COL28A1: variants seen among roughly 807,000 people sequenced by gnomAD.
The protein encoded by COL28A1 is collagen alpha-1(XXVIII) chain.
COL28A1 carries 161 observed loss-of-function variants against 150.2 expected under a neutral mutation model. That is an observed-to-expected ratio of 1.07 (90% CI 0.94 to 1.22). The LOEUF is 1.22. Ranked by LOEUF, COL28A1 falls within the 50% of genes most tolerant of loss-of-function variation. The pLI, the probability that COL28A1 is intolerant of heterozygous loss-of-function variation, is 0.00. For missense variants in COL28A1, 1,617 were observed against 1,388.3 expected (o/e 1.16, Z -2.62); for synonymous variants, 552 against 469.7 (o/e 1.18, Z -2.26).
chr7:7,379,975 G>A (rs558916952), intron 30 of COL28A1, among the ~76,000 whole-genome samples: 27 of 152,240 alleles, frequency 1.8e-4, no homozygotes, highest in African/African-American at 5.5e-4. Flanking sequence ...ACACTTGGAT[G>A]TTCCTAGTAC....
chr7:7,512,666 A>G (rs1472667375), intron 8 of COL28A1, among the ~76,000 whole-genome samples: 1 of 152,218 alleles, frequency 6.6e-6, no homozygotes, highest in East Asian at 1.9e-4. Context: ...TCATAGTAAT[A>G]TTATCTCCTT....
chr7:7,370,955 C>T, intron 32 of COL28A1, 73 bp from the exon 33 acceptor site: 2 of 967,716 alleles, frequency 2.1e-6, no homozygotes, highest in Non-Finnish European at 1.5e-6. Flanking sequence ...TTAAAAAGAT[C>T]TGCACTCTCC....
rs140755265 is a variant in COL28A1, at chr7:7,411,620, C to G, written c.2136+6239G>C. ...GTGCTCCTACTAAATTCCAGGTGTC[C>G]CTCATTCTCTGGCCCTGGCTTTGCT... On this transcript the variant is annotated intron_variant, in intron 27 of 34. Transcript: ENST00000399429. Among the ~76,000 whole-genome samples, 792 of 152,266 alleles carry G rather than the reference C, an allele frequency of 5.2e-3. 5 individuals are homozygous for G. Among genetic ancestry groups the G allele is most frequent in the Non-Finnish European group, 7.9e-3 (534 of 68,024 alleles).
At chr7:7,488,165 C>T (rs1300108875) in intron 13 of COL28A1, among the ~76,000 whole-genome samples, 1 of 152,222 alleles carries the variant, frequency 6.6e-6, no homozygotes, top group East Asian at 1.9e-4. Context: ...AAACACAAAA[C>T]CAAAATAGAG....
intron 18 of COL28A1, among the ~76,000 whole-genome samples, chr7:7,448,119 T>G (rs1243036300): frequency 6.6e-6 from 1 of 152,166 alleles, no homozygotes; most frequent in African/African-American, 2.4e-5. Flanking sequence ...GGTGAGGAAT[T>G]GCTATTTCAA....
chr7:7,492,277 AC>A (rs1373640027), intron 11 of COL28A1, among the ~76,000 whole-genome samples: 3 of 152,134 alleles, frequency 2.0e-5, no homozygotes, highest in African/African-American at 7.2e-5. Flanking sequence ...ACATTGCTTT[AC>A]TATAAGAAGT....
At chr7:7,393,428 G>C (rs905454551) in intron 27 of COL28A1, among the ~76,000 whole-genome samples, 2 of 152,206 alleles carry the variant, frequency 1.3e-5, no homozygotes, top group Non-Finnish European at 2.9e-5. Context: ...GGAGACACAG[G>C]GTTCAGGGAC....
chr7:7,492,418 T>TA (rs756842702), intron 11 of COL28A1, among the ~76,000 whole-genome samples: 1,914 of 124,656 alleles, frequency 0.015, 35 homozygotes, highest in African/African-American at 0.049. Flanking sequence ...CTAAAAATAC[T>TA]AAAAAAAAAA....
chr7:7,368,887 G>T (rs1171373941), intron 33 of COL28A1, among the ~76,000 whole-genome samples: 1 of 152,122 alleles, frequency 6.6e-6, no homozygotes, highest in East Asian at 1.9e-4. Context: ...TCATCTCTGT[G>T]CTTCCTTCAT....
intron 18 of COL28A1, among the ~76,000 whole-genome samples, chr7:7,445,935 C>G (rs375860366): frequency 6.6e-6 from 1 of 151,566 alleles, no homozygotes; most frequent in Non-Finnish European, 1.5e-5. Context: ...CTCAGCTCAC[C>G]GCTACCTCCG....
chr7:7,415,705 T>C (rs925092499), intron 27 of COL28A1, among the ~76,000 whole-genome samples: 3 of 152,048 alleles, frequency 2.0e-5, no homozygotes, highest in African/African-American at 7.2e-5. Flanking sequence ...GGCTAATTTT[T>C]GTATTTTTAG....
intron 27 of COL28A1, among the ~76,000 whole-genome samples, chr7:7,396,396 C>T (rs936071337): frequency 1.3e-5 from 2 of 152,164 alleles, no homozygotes; most frequent in Non-Finnish European, 2.9e-5. Context: ...GCAGTCCCTC[C>T]GAACAAAGGC....
At chr7:7,414,679 A>G (rs1783971994) in intron 27 of COL28A1, among the ~76,000 whole-genome samples, 1 of 152,222 alleles carries the variant, frequency 6.6e-6, no homozygotes, top group African/African-American at 2.4e-5. Context: ...GCATGGAAAG[A>G]GAAGCCCTTC....
At chr7:7,340,816 A>T in the COL28A1 span, among the ~76,000 whole-genome samples, 5 of 152,052 alleles carry the variant, frequency 3.3e-5, no homozygotes, top group Admixed American at 2.6e-4. Context: ...AAAAGAAAAA[A>T]ATGTACATTT....
intron 13 of COL28A1, among the ~76,000 whole-genome samples, chr7:7,487,514 G>T (rs1286593407): frequency 6.6e-6 from 1 of 152,104 alleles, no homozygotes; most frequent in African/African-American, 2.4e-5. Flanking sequence ...GGAGGCAGAG[G>T]CTGCAGTGAG....
chr7:7,375,250 C>T (rs765707148), intron 31 of COL28A1, among the ~76,000 whole-genome samples: 1 of 152,174 alleles, frequency 6.6e-6, no homozygotes, highest in Non-Finnish European at 1.5e-5. Context: ...CATGCCTTAA[C>T]CAGCCTGGGA....
intron 3 of COL28A1, among the ~76,000 whole-genome samples, chr7:7,524,504 T>C (rs768252711): frequency 1.2e-4 from 18 of 152,214 alleles, no homozygotes; most frequent in Non-Finnish European, 1.9e-4. Context: ...CTGCATTCTA[T>C]GTTTTATCTT....
intron 11 of COL28A1, among the ~76,000 whole-genome samples, chr7:7,499,210 C>A (rs778078080): frequency 6.6e-6 from 1 of 152,058 alleles, no homozygotes; most frequent in East Asian, 1.9e-4. Context: ...CAGACTTTGA[C>A]GTCTTTGAAG....
At chr7:7,355,523 T>A (rs1020051560), downstream of COL28A1, among the ~76,000 whole-genome samples, 2 of 151,998 alleles carry the variant, frequency 1.3e-5, no homozygotes, top group Non-Finnish European at 2.9e-5. Flanking sequence ...GGTGAGAGGA[T>A]CACTTGAGTC....
Sources: gnomAD v4.1 joint callset for allele counts (sites outside exome capture counted in the v4.1 genomes callset) on GRCh38, gnomAD v4.1.1 for gene constraint, MANE v1.5 for transcripts, NCBI Gene and HGNC (gene_info 2026-07-23, HGNC 2026-07-21) for gene names.